The following ZBED6 variants were observed in gnomAD, a reference collection of about 807,000 sequenced individuals.
ZBED6 encodes the protein zinc finger BED-type containing 6.
A neutral mutation model predicts 58.4 loss-of-function variants in ZBED6; 40 were observed. The observed-to-expected ratio is 0.68, with a 90% CI of 0.53 to 0.89. The LOEUF is 0.89. Ranked by LOEUF, ZBED6 falls within the 40% of genes least tolerant of loss-of-function variation. The pLI is 0.00. For synonymous variants in ZBED6, 439 were observed against 350.6 expected (o/e 1.25, Z -2.82); for missense variants, 1,057 against 1,003.9 (o/e 1.05, Z -0.71).
chr1:203,809,172 G>GTT (rs33926996), intron 1 of ZBED6, among the ~76,000 whole-genome samples: 10,643 of 83,240 alleles, frequency 0.13, 1,826 homozygotes, highest in Non-Finnish European at 0.14. Context: ...TCTTCTCACT[G>GTT]TTTTTTTTTT....
intron 3 of ZBED6, among the ~76,000 whole-genome samples, chr1:203,822,452 G>A (rs1248972503): frequency 6.6e-6 from 1 of 151,918 alleles, no homozygotes; most frequent in Non-Finnish European, 1.5e-5. Context: ...CCCTATAATG[G>A]ATACTGTTTT....
intron 13 of ZBED6, 131 bp from the exon 14 acceptor site, chr1:203,849,580 A>G (rs928284410): frequency 3.5e-6 from 3 of 869,456 alleles, no homozygotes; most frequent in Middle Eastern, 2.6e-4. Context: ...TTTAACATCA[A>G]ATAAAGAGCT....
chr1:203,846,115 C>CA (rs34793133), intron 11 of ZBED6, among the ~76,000 whole-genome samples: 1,402 of 52,520 alleles, frequency 0.027, 19 homozygotes, highest in East Asian at 0.14. Flanking sequence ...TCGTCTTTAC[C>CA]AAAAAAAAAA....
At chr1:203,798,717 A>G (rs1669526369) in exon 1 of ZBED6, 1 of 1,536,058 alleles carries the variant, frequency 6.5e-7, no homozygotes, top group Non-Finnish European at 8.7e-7. Flanking sequence ...GGAGAGAGAA[A>G]CAACATGTTG....
intron 12 of ZBED6, among the ~76,000 whole-genome samples, chr1:203,848,118 A>G (rs908782850): frequency 9.2e-5 from 14 of 152,158 alleles, no homozygotes; most frequent in African/African-American, 2.9e-4. Context: ...TCAGTCTCCC[A>G]AAGTGCTGGG....
At chr1:203,848,483 A>C in intron 13 of ZBED6, 76 bp downstream of exon 13, 1 of 1,074,752 alleles carries the variant, frequency 9.3e-7, no homozygotes, top group Non-Finnish European at 1.4e-6. Flanking sequence ...CCTTACAATA[A>C]ATTTCTAAGT....
chr1:203,809,752 G>A (rs1353032798), intron 1 of ZBED6, among the ~76,000 whole-genome samples: 3 of 151,886 alleles, frequency 2.0e-5, no homozygotes, highest in Admixed American at 6.6e-5. Context: ...TCAGGAGTTC[G>A]AGACCAATCT....
chr1:203,825,717 G>A (rs1326997115), intron 3 of ZBED6, among the ~76,000 whole-genome samples: 2 of 151,998 alleles, frequency 1.3e-5, no homozygotes, highest in East Asian at 3.8e-4. Context: ...GAGCCACCAC[G>A]CCTGGCATGT....
intron 2 of ZBED6, among the ~76,000 whole-genome samples, 180 bp downstream of exon 2, chr1:203,817,304 A>ATT (rs1676682845): frequency 6.6e-6 from 1 of 151,764 alleles, no homozygotes; most frequent in Non-Finnish European, 1.5e-5. Context: ...TTTTCTTTTC[A>ATT]TTTTATATAT....
chr1:203,833,807 T>G, exon 9 of ZBED6: 1 of 1,608,590 alleles, frequency 6.2e-7, no homozygotes, highest in African/African-American at 1.3e-5. Context: ...AACCCTTGGT[T>G]AGATTGAGTC....
intron 3 of ZBED6, among the ~76,000 whole-genome samples, chr1:203,826,986 C>G (rs1302855462): frequency 1.3e-5 from 2 of 152,194 alleles, no homozygotes; most frequent in Admixed American, 6.5e-5. Context: ...ATCCCCAAAG[C>G]TGATCAGCAT....
intron 13 of ZBED6, among the ~76,000 whole-genome samples, chr1:203,849,207 T>C (rs914312579): frequency 1.1e-4 from 17 of 152,194 alleles, no homozygotes; most frequent in Non-Finnish European, 2.1e-4. Flanking sequence ...TTTGTTTATA[T>C]ATGCATGCAT....
intron 8 of ZBED6, among the ~76,000 whole-genome samples, chr1:203,832,407 C>G (rs1242478400): frequency 6.6e-6 from 1 of 151,666 alleles, no homozygotes; most frequent in Non-Finnish European, 1.5e-5. Flanking sequence ...GTCGCCCAGG[C>G]TAAAGTGCAA....
At chr1:203,813,412 T>C (rs1675191871) in intron 1 of ZBED6, among the ~76,000 whole-genome samples, 1 of 152,184 alleles carries the variant, frequency 6.6e-6, no homozygotes, top group African/African-American at 2.4e-5. Context: ...TTATTGGTTT[T>C]CTTTTGTATT....
At chr1:203,809,778 A>G (rs1234056392) in intron 1 of ZBED6, among the ~76,000 whole-genome samples, 3 of 151,732 alleles carry the variant, frequency 2.0e-5, no homozygotes, top group African/African-American at 7.3e-5. Context: ...ACATGGTGAA[A>G]CCCCGTCTCT....
chr1:203,842,342 A>C (rs1395627171), intron 11 of ZBED6, among the ~76,000 whole-genome samples: 1 of 152,192 alleles, frequency 6.6e-6, no homozygotes, highest in Non-Finnish European at 1.5e-5. Context: ...TCCGTCTGCA[A>C]TCCCGGCACC....
chr1:203,828,497 G>T, intron 4 of ZBED6, 75 bp downstream of exon 4: 3 of 1,504,462 alleles, frequency 2.0e-6, no homozygotes, highest in South Asian at 1.2e-5. Context: ...GTACTTTTCA[G>T]ACATTGACTC....
At chr1:203,814,252 G>A (rs1450862165) in intron 1 of ZBED6, among the ~76,000 whole-genome samples, 1 of 152,236 alleles carries the variant, frequency 6.6e-6, no homozygotes, top group East Asian at 1.9e-4. Flanking sequence ...CCGGCCAGGC[G>A]CTGGCTCACA....
intron 3 of ZBED6, 108 bp from the exon 4 acceptor site, chr1:203,828,187 CACAT>C (rs1681182505): frequency 7.8e-7 from 1 of 1,282,178 alleles, no homozygotes; most frequent in Non-Finnish European, 1.1e-6. Context: ...CATCTCATCT[CACAT>C]GCCTCGGATT....
Sources: gnomAD v4.1 joint callset for allele counts (sites outside exome capture counted in the v4.1 genomes callset) on GRCh38, gnomAD v4.1.1 for gene constraint, MANE v1.5 for transcripts, NCBI Gene and HGNC (gene_info 2026-07-23, HGNC 2026-07-21) for gene names.